Variants in GLI2 observed in about 807,000 individuals in gnomAD.
The protein encoded by GLI2 is GLI family zinc finger 2, also known as transcription activator GLI2.
Under a neutral mutation model 78.9 loss-of-function variants are expected in GLI2, and 22 were observed. The observed-to-expected ratio is 0.28, with a 90% CI of 0.20 to 0.40. The LOEUF (loss-of-function observed/expected upper bound fraction) is 0.40. GLI2 is among the 10% of genes least tolerant of loss of function. GLI2 has a pLI of 1.00. For synonymous variants in GLI2, 974 were observed against 963.7 expected (o/e 1.01, Z -0.20); for missense variants, 2,097 against 2,213.2 (o/e 0.95, Z 1.05).
At chr2:120,784,653 A>G (rs1467824907) in intron 1 of GLI2, among the ~76,000 whole-genome samples, 2 of 152,014 alleles carry the variant, frequency 1.3e-5, no homozygotes, top group Non-Finnish European at 2.9e-5. Flanking sequence ...ACAGGCTTCC[A>G]TGCTTGCCCT....
intron 2 of GLI2, among the ~76,000 whole-genome samples, chr2:120,823,272 A>G (rs1047128925): frequency 5.3e-5 from 8 of 152,174 alleles, no homozygotes; most frequent in Non-Finnish European, 1.0e-4. Context: ...GTGTGATATA[A>G]TTACATTATA....
chr2:120,738,683 G>C (rs1030650579), intron 1 of GLI2, among the ~76,000 whole-genome samples: 1 of 152,194 alleles, frequency 6.6e-6, no homozygotes, highest in African/African-American at 2.4e-5. Context: ...ATTATAGGTA[G>C]AAAGAATTAG....
intron 9 of GLI2, among the ~76,000 whole-genome samples, chr2:120,977,051 C>T (rs913078596): frequency 6.6e-6 from 1 of 152,236 alleles, no homozygotes; most frequent in Non-Finnish European, 1.5e-5. Flanking sequence ...CTGGAGATTT[C>T]ACATGCTCCA....
chr2:120,884,309 C>T (rs866582411), intron 2 of GLI2, among the ~76,000 whole-genome samples: 15 of 152,242 alleles, frequency 9.9e-5, no homozygotes, highest in Middle Eastern at 3.4e-3. Flanking sequence ...AAGGGGAGAG[C>T]GTAGGTAAAG....
chr2:120,917,073 G>A (rs985750345), intron 2 of GLI2, among the ~76,000 whole-genome samples: 1 of 152,200 alleles, frequency 6.6e-6, no homozygotes, highest in African/African-American at 2.4e-5. Flanking sequence ...GGCCAGAAGC[G>A]ACCTTAGCCA....
At chr2:120,757,775 C>T (rs1424244208) in intron 1 of GLI2, among the ~76,000 whole-genome samples, 1 of 152,218 alleles carries the variant, frequency 6.6e-6, no homozygotes, top group East Asian at 1.9e-4. Flanking sequence ...CCTGGTTACC[C>T]CTCCCTGTGC....
chr2:120,816,272 T>C (rs1380447255), intron 2 of GLI2, among the ~76,000 whole-genome samples: 1 of 149,760 alleles, frequency 6.7e-6, no homozygotes, highest in Non-Finnish European at 1.5e-5. Flanking sequence ...CTCAGTTCAC[T>C]GCAACCTCCG....
At chr2:120,845,547 T>C (rs999858521) in intron 2 of GLI2, among the ~76,000 whole-genome samples, 1 of 152,120 alleles carries the variant, frequency 6.6e-6, no homozygotes, top group Non-Finnish European at 1.5e-5. Context: ...TCTCAGACAC[T>C]CCGCCCAGTT....
chr2:120,912,966 A>T (rs910576153), intron 2 of GLI2, among the ~76,000 whole-genome samples: 2 of 152,102 alleles, frequency 1.3e-5, no homozygotes, highest in African/African-American at 4.8e-5. Flanking sequence ...TAACCCTCCT[A>T]CGATTCTGGG....
intron 3 of GLI2, among the ~76,000 whole-genome samples, chr2:120,933,911 T>C (rs1680070940): frequency 6.7e-6 from 1 of 149,244 alleles, no homozygotes; most frequent in African/African-American, 2.4e-5. Context: ...AGAAGACCAA[T>C]TTCAGCTGCT....
intron 1 of GLI2, among the ~76,000 whole-genome samples, chr2:120,782,507 T>G (rs1683878412): frequency 6.6e-6 from 1 of 152,186 alleles, no homozygotes; most frequent in Non-Finnish European, 1.5e-5. Flanking sequence ...CGAAGCTGAG[T>G]CAGTTGCCCA....
At chr2:120,959,725 G>A (rs927551748) in intron 5 of GLI2, among the ~76,000 whole-genome samples, 4 of 152,154 alleles carry the variant, frequency 2.6e-5, no homozygotes, top group African/African-American at 9.7e-5. Flanking sequence ...AGGTGTTTTC[G>A]GTGGGTGCCT....
chr2:120,871,430 A>G (rs190455355), intron 2 of GLI2, among the ~76,000 whole-genome samples: 10 of 152,338 alleles, frequency 6.6e-5, no homozygotes, highest in Admixed American at 5.2e-4. Flanking sequence ...GCCTGAACCC[A>G]CGCCCAGGCG....
chr2:120,971,894 C>T (rs778003231), intron 7 of GLI2, 47 bp from the exon 8 acceptor site: 3 of 1,601,192 alleles, frequency 1.9e-6, no homozygotes, highest in Non-Finnish European at 2.6e-6. Context: ...TTGGGATATC[C>T]CTGCCCTGCC....
At chr2:120,832,892 C>G (rs1686432269) in intron 2 of GLI2, among the ~76,000 whole-genome samples, 1 of 152,114 alleles carries the variant, frequency 6.6e-6, no homozygotes. Context: ...TGGTCTCTTT[C>G]CTCTCTGAGA....
At chr2:120,923,753 G>A (rs1191391295) in intron 2 of GLI2, among the ~76,000 whole-genome samples, 1 of 151,738 alleles carries the variant, frequency 6.6e-6, no homozygotes, top group East Asian at 1.9e-4. Context: ...TACACGCACT[G>A]CACATACTCA....
intron 13 of GLI2, among the ~76,000 whole-genome samples, chr2:120,987,660 C>T (rs1404919699): frequency 6.6e-6 from 1 of 152,192 alleles, no homozygotes; most frequent in African/African-American, 2.4e-5. Context: ...GCCTAGGTGG[C>T]ACCACCTCCA....
intron 2 of GLI2, among the ~76,000 whole-genome samples, chr2:120,918,502 G>A (rs1469749588): frequency 3.4e-5 from 5 of 148,592 alleles, no homozygotes; most frequent in Admixed American, 2.7e-4. Flanking sequence ...GTGCATTGGC[G>A]CAATCTCAGC....
chr2:120,847,639 A>G (rs1687185034), intron 2 of GLI2, among the ~76,000 whole-genome samples: 1 of 146,168 alleles, frequency 6.8e-6, no homozygotes, highest in African/African-American at 2.5e-5. Context: ...TGGGGGATGG[A>G]TTGGGGGATT....
Sources: gnomAD v4.1 joint callset for allele counts (sites outside exome capture counted in the v4.1 genomes callset) on GRCh38, gnomAD v4.1.1 for gene constraint, MANE v1.5 for transcripts, NCBI Gene and HGNC (gene_info 2026-07-23, HGNC 2026-07-21) for gene names.